FYCO1: variants seen among roughly 807,000 people sequenced by gnomAD.
FYCO1 encodes FYVE and coiled-coil domain-containing protein 1.
A neutral mutation model predicts 165.1 loss-of-function variants in FYCO1; 122 were observed. That is an observed-to-expected ratio of 0.74 (90% CI 0.64 to 0.86). FYCO1 has a LOEUF of 0.86. Ranked by LOEUF, FYCO1 falls within the 40% of genes least tolerant of loss-of-function variation. FYCO1 has a pLI of 0.00. For missense variants in FYCO1, 1,702 were observed against 1,810.3 expected (o/e 0.94, Z 1.09); for synonymous variants, 648 against 742.5 (o/e 0.87, Z 2.07).
chr3:45,987,656 G>A (rs1308219418), intron 1 of FYCO1, among the ~76,000 whole-genome samples: 2 of 152,226 alleles, frequency 1.3e-5, no homozygotes, highest in African/African-American at 4.8e-5. Flanking sequence ...GGAGAAAGAC[G>A]ACTGGAGTGA....
Position 45,967,317 on chromosome 3 carries a change from A to G in FYCO1, c.2017T>C (p.Leu673=), listed in dbSNP as rs200175815. ...LEAEQASIRH[L]GDQMEASLLA... ...AAGCTCGCCTCCATCTGGTCACCCAAGTGCCGGATGCTGGCCTGCTCGGCC... is the reference window on the plus strand; with the variant it reads ...AAGCTCGCCTCCATCTGGTCACCCAGGTGCCGGATGCTGGCCTGCTCGGCC... Residue 673 remains leucine (L), a synonymous_variant, in exon 8 of 18, where the codon TTG becomes CTG. Coordinates refer to ENST00000296137, the MANE Select transcript of FYCO1 (RefSeq NM_024513.4). 5.6e-6 allele frequency: 9 copies of G among 1,613,480 alleles called. No homozygotes were observed. The Admixed American group carries it at 6.7e-5, about 12-fold the overall frequency.
intron 16 of FYCO1, among the ~76,000 whole-genome samples, chr3:45,929,465 C>T (rs1703484836): frequency 6.6e-6 from 1 of 152,208 alleles, no homozygotes; most frequent in Non-Finnish European, 1.5e-5. Flanking sequence ...CCCTCCCTGC[C>T]ACAAACACTC....
intron 13 of FYCO1, among the ~76,000 whole-genome samples, chr3:45,956,080 A>G (rs1705299113): frequency 6.6e-6 from 1 of 152,298 alleles, no homozygotes; most frequent in South Asian, 2.1e-4. Context: ...TCATGCCTAT[A>G]ATCCCAGCAC....
Position 45,923,650 on chromosome 3 carries a change from C to G in FYCO1, c.4361+6G>C. 1 of 1,595,296 alleles carries G rather than the reference C, an allele frequency of 6.3e-7. No homozygotes were observed. Among genetic ancestry groups the G allele is most frequent in the Non-Finnish European group, 8.6e-7 (1 of 1,162,792 alleles). ...GACGTGGAGCTGGTGCCTGAGGTGG[C>G]CCTACCTTGAGAAGGTATTGTCGAA... On this transcript the variant is annotated splice_donor_region_variant and intron_variant, in intron 17 of 17. Transcript: ENST00000296137.
intron 1 of FYCO1, among the ~76,000 whole-genome samples, chr3:45,991,706 G>A (rs887174355): frequency 1.5e-5 from 2 of 133,650 alleles, no homozygotes; most frequent in African/African-American, 5.0e-5. Context: ...ACCCCATCCT[G>A]GAAAATGAAA....
At chr3:45,954,142 C>T (rs1156398528) in intron 14 of FYCO1, among the ~76,000 whole-genome samples, 1 of 152,228 alleles carries the variant, frequency 6.6e-6, no homozygotes. Context: ...GGCCCATAGG[C>T]CGCATGCAGC....
intron 14 of FYCO1, among the ~76,000 whole-genome samples, chr3:45,939,086 AGCTTGGC>A (rs1704062395): frequency 6.6e-6 from 1 of 152,200 alleles, no homozygotes; most frequent in Non-Finnish European, 1.5e-5. Flanking sequence ...GCCTACTGCT[AGCTTGGC>A]TGATGGCATG....
chr3:45,920,377 G>A lies in FYCO1; in HGVS notation c.*1388C>T, dbSNP rs1375279154. 7.2e-5 allele frequency: 11 copies of A among 152,224 alleles called. No individual in the cohort carries two copies. Among genetic ancestry groups the A allele is most frequent in the Admixed American group, 4.6e-4 (7 of 15,280 alleles). 9.4% of individuals were successfully genotyped at this position (152,224 alleles called of 1,614,324 possible). On this transcript the variant is annotated 3_prime_UTR_variant, in exon 18 of 18. Transcript: ENST00000296137. Reference sequence around the variant, plus strand: ...GCCGGGCCCAGCTCTCAGATTCTCGGATAGCCTGTCTGGTGCTCTCTCCCT... The same window carrying A: ...GCCGGGCCCAGCTCTCAGATTCTCGAATAGCCTGTCTGGTGCTCTCTCCCT...
At chr3:45,976,352 G>A (rs903338498) in intron 4 of FYCO1, among the ~76,000 whole-genome samples, 1 of 152,230 alleles carries the variant, frequency 6.6e-6, no homozygotes, top group Non-Finnish European at 1.5e-5. Context: ...TGTCAGCTGG[G>A]AGCATATAAT....
At chr3:45,934,352 C>T (rs917936119) in intron 15 of FYCO1, among the ~76,000 whole-genome samples, 15 of 152,102 alleles carry the variant, frequency 9.9e-5, no homozygotes, top group Admixed American at 2.0e-4. Context: ...CATAATTAAA[C>T]GTCTAAGAAC....
At chr3:45,923,869 C>T (rs755235111) in intron 16 of FYCO1, 104 bp from the exon 17 acceptor site, 4 of 792,540 alleles carry the variant, frequency 5.0e-6, no homozygotes, top group Admixed American at 1.9e-5. Context: ...GAGTGTGTTG[C>T]CTGAGGTCAC....
At chr3:45,946,534 G>C (rs771852091) in intron 14 of FYCO1, 1 of 1,614,194 alleles carries the variant, frequency 6.2e-7, no homozygotes. Context: ...TTCAATGACA[G>C]CAGCCAGGAG....
intron 1 of FYCO1, among the ~76,000 whole-genome samples, chr3:45,985,790 C>T (rs891765060): frequency 2.6e-5 from 4 of 152,334 alleles, no homozygotes; most frequent in Middle Eastern, 6.8e-3. Context: ...GTGATTTACC[C>T]GTAGGGCTGA....
In FYCO1 at chr3:45,968,710, G is replaced by T. The variant is rs762124244; in HGVS notation, c.631-7C>A. On this transcript the variant is annotated splice_region_variant and splice_polypyrimidine_tract_variant and intron_variant, in intron 7 of 17. Coordinates refer to ENST00000296137, the MANE Select transcript of FYCO1 (RefSeq NM_024513.4). ...TGGACACCATCTCTTGAGTCTGGGA[G>T]GGAAAACACAAAAGACAAGTGGCTT... is the stretch of plus-strand genomic sequence containing the variant. 1.2e-6 allele frequency: 2 copies of T among 1,614,158 alleles called. No individual in the cohort carries two copies. Among genetic ancestry groups the T allele is most frequent in the Admixed American group, 3.3e-5 (2 of 60,026 alleles).
chr3:45,949,060 C>T (rs914468376), intron 14 of FYCO1, among the ~76,000 whole-genome samples: 9 of 152,154 alleles, frequency 5.9e-5, no homozygotes, highest in South Asian at 2.1e-4. Context: ...GTTAGCGAGG[C>T]GAGGGAGGGT....
chr3:45,982,359 C>G (rs1707101726), intron 2 of FYCO1, among the ~76,000 whole-genome samples: 2 of 152,104 alleles, frequency 1.3e-5, no homozygotes, highest in South Asian at 4.2e-4. Context: ...CTATGATTAT[C>G]CCCATTTTGC....
chr3:45,969,565 C>T lies in FYCO1; in HGVS notation c.630+110G>A. On this transcript the variant is annotated intron_variant, in intron 7 of 17. Coordinates refer to ENST00000296137, the MANE Select transcript of FYCO1 (RefSeq NM_024513.4). Reference sequence around the variant, plus strand: ...CAGCCATAACTGAGTGGTTCTATTGCTCTGGCTGGAACAACGGGCATCTGA... The same window carrying T: ...CAGCCATAACTGAGTGGTTCTATTGTTCTGGCTGGAACAACGGGCATCTGA... 3 of 816,242 alleles carry T rather than the reference C, an allele frequency of 3.7e-6. No individual in the cohort carries two copies. The East Asian group carries it at 8.0e-5, about 22-fold the overall frequency. The allele number at this position is 816,242 out of a possible 1,614,324, so 50.6% of individuals were successfully genotyped here. A position where few individuals can be genotyped will look rare whatever the true frequency, so the allele number is the denominator to read the frequency against.
In FYCO1 at chr3:45,923,777, A is replaced by C; in HGVS notation, c.4252-12T>G. On this transcript the variant is annotated splice_polypyrimidine_tract_variant and intron_variant, in intron 16 of 17. Transcript: ENST00000296137. ...GTGGGAATGAGGACCTGGGAGGGAA[A>C]GCAGGTAGGCAAAAACATCACAGAG... The C allele has an allele frequency of 6.3e-7, 1 of 1,580,138 alleles. No individual in the cohort carries two copies. Among genetic ancestry groups the C allele is most frequent in the Non-Finnish European group, 8.7e-7 (1 of 1,149,030 alleles).
At chr3:45,958,832 G>A (rs547199026) in intron 12 of FYCO1, among the ~76,000 whole-genome samples, 1 of 152,158 alleles carries the variant, frequency 6.6e-6, no homozygotes, top group Non-Finnish European at 1.5e-5. Flanking sequence ...TAAGGTCCTG[G>A]GAGGCAGGGA....
Sources: allele counts gnomAD v4.1 joint callset (sites outside exome capture counted in the v4.1 genomes callset), GRCh38; gene constraint gnomAD v4.1.1; transcripts MANE v1.5; gene names NCBI Gene and HGNC (gene_info 2026-07-23, HGNC 2026-07-21).